The following PDE10A variants were observed in gnomAD, a reference collection of about 807,000 sequenced individuals.
PDE10A encodes cAMP and cAMP-inhibited cGMP 3',5'-cyclic phosphodiesterase 10A.
PDE10A carries 39 observed loss-of-function variants against 97.7 expected under a neutral mutation model. The ratio of observed to expected loss-of-function variants is 0.40; its 90% CI spans 0.31 to 0.52. PDE10A has a LOEUF of 0.52. Ranked by LOEUF, PDE10A falls within the 20% of genes least tolerant of loss-of-function variation. The pLI is 0.56. For missense variants in PDE10A, 731 were observed against 1,047.8 expected, an observed-to-expected ratio of 0.70 and a Z score of 4.17; for synonymous variants, 371 against 376.8, an observed-to-expected ratio of 0.98 and a Z score of 0.18.
At chr6:165,559,226 T>C (rs1784407199) in intron 1 of PDE10A, among the ~76,000 whole-genome samples, 1 of 152,148 alleles carries the variant, frequency 6.6e-6, no homozygotes, top group South Asian at 2.1e-4. Flanking sequence ...TAAATGTAGT[T>C]GCCCATAGGA....
rs771642535 is a variant in PDE10A at position 165,691,589 on chromosome 6, G to GCACACACA, written c.-614-148022_-614-148021insTGTGTGTG. Among the ~76,000 whole-genome samples the GCACACACA allele has an allele frequency of 4.6e-4, 67 of 144,572 alleles. No individual in the cohort carries two copies. In the South Asian group the frequency reaches 5.6e-3, roughly 12 times the overall value. The allele number at this position is 144,572 out of a possible 152,430, so 94.8% of individuals were successfully genotyped here. The stretch of plus-strand genomic sequence containing the variant: ...TGCCCATGCGCACGCATGCACGCGC[G>GCACACACA]CGCACACACACACACACACACACAC... On this transcript the variant is annotated intron_variant, in intron 1 of 19. Coordinates refer to the PDE10A transcript ENST00000366882.
intron 1 of PDE10A, among the ~76,000 whole-genome samples, chr6:165,883,435 A>G (rs1567527): frequency 0.74 from 112,323 of 151,466 alleles, 41,835 homozygotes; most frequent in East Asian, 0.94. Flanking sequence ...CCAGCTACTC[A>G]GGAGGCTGAG....
At chr6:165,531,390 G>A (rs1331308413) in intron 2 of PDE10A, among the ~76,000 whole-genome samples, 1 of 151,714 alleles carries the variant, frequency 6.6e-6, no homozygotes, top group African/African-American at 2.4e-5. Context: ...AAACTGAGCT[G>A]TGTGCTTTTC....
chr6:165,468,900 C>T lies in PDE10A; in HGVS notation c.1023+13415G>A, dbSNP rs2128268635. Among the ~76,000 whole-genome samples the T allele has an allele frequency of 2.0e-5, 3 of 152,270 alleles. No individual in the cohort carries two copies. The East Asian group carries it at 5.8e-4, about 29-fold the overall frequency. ...CCTTGAATTTATGGACTGGGACCAC[C>T]CATCTTTATGGGCCTAAAACAGCTC... On this transcript the variant is annotated intron_variant, in intron 3 of 21. Transcript: ENST00000539869.
chr6:165,406,739 G>C (rs1756130203), intron 13 of PDE10A, among the ~76,000 whole-genome samples: 1 of 152,202 alleles, frequency 6.6e-6, no homozygotes, highest in Non-Finnish European at 1.5e-5. Flanking sequence ...CACTGAGTAG[G>C]GAAGACCTGC....
intron 6 of PDE10A, 130 bp downstream of exon 6, chr6:165,435,107 T>C (rs576961405): frequency 8.2e-4 from 716 of 871,036 alleles, no homozygotes; most frequent in Non-Finnish European, 1.2e-3. Flanking sequence ...CATTAATATA[T>C]TGATCTGTAA....
chr6:165,502,080 A>G (rs941065455), intron 2 of PDE10A, among the ~76,000 whole-genome samples: 1 of 152,236 alleles, frequency 6.6e-6, no homozygotes, highest in African/African-American at 2.4e-5. Flanking sequence ...AGAAATGGAT[A>G]TTCATAAACA....
intron 1 of PDE10A, among the ~76,000 whole-genome samples, chr6:165,800,730 G>A (rs1278731160): frequency 2.6e-5 from 4 of 152,356 alleles, no homozygotes; most frequent in East Asian, 3.9e-4. Context: ...GGCAAGGTAC[G>A]ACTACAACGC....
chr6:165,744,656 T>C (rs79190135), intron 1 of PDE10A, among the ~76,000 whole-genome samples: 1 of 152,334 alleles, frequency 6.6e-6, no homozygotes, highest in African/African-American at 2.4e-5. Context: ...ATCTTGTTTA[T>C]GGTGAACACT....
chr6:165,803,382 A>G (rs190244011), intron 1 of PDE10A, among the ~76,000 whole-genome samples: 21 of 152,326 alleles, frequency 1.4e-4, no homozygotes, highest in Admixed American at 3.9e-4. Flanking sequence ...CTCCTAGCTT[A>G]CATATTTAGC....
At chr6:165,951,983 T>C (rs1024695778) in intron 1 of PDE10A, among the ~76,000 whole-genome samples, 1 of 152,262 alleles carries the variant, frequency 6.6e-6, no homozygotes, top group African/African-American at 2.4e-5. Flanking sequence ...GAATTTACTA[T>C]GCCAGGGGAG....
Position 165,328,909 on chromosome 6 carries a change from T to C in PDE10A, c.*4116A>G, listed in dbSNP as rs1244542158. 6.6e-6 allele frequency: 1 copy of C among 152,224 alleles called. No homozygotes were observed. Among genetic ancestry groups the C allele is most frequent in the Non-Finnish European group, 1.5e-5 (1 of 68,044 alleles). The allele number at this position is 152,224 out of a possible 1,614,324, so 9.4% of individuals were successfully genotyped here. ...GTTAAAGAAGTCAGCAAAATGTGTA[T>C]TGGCTAAATACTTATGCACATGTAA... On this transcript the variant is annotated 3_prime_UTR_variant, in exon 22 of 22. Transcript: ENST00000539869.
chr6:165,648,065 G>A (rs1340810576), intron 1 of PDE10A, among the ~76,000 whole-genome samples: 1 of 152,116 alleles, frequency 6.6e-6, no homozygotes, highest in African/African-American at 2.4e-5. Context: ...CCAGGCTGGA[G>A]TGCAGTGTGC....
intron 1 of PDE10A, among the ~76,000 whole-genome samples, chr6:165,896,247 A>G (rs554057945): frequency 6.6e-6 from 1 of 152,212 alleles, no homozygotes; most frequent in Admixed American, 6.5e-5. Flanking sequence ...TACAACACAG[A>G]TCTTGTCGTC....
intron 1 of PDE10A, among the ~76,000 whole-genome samples, chr6:165,737,081 T>C (rs1362854591): frequency 6.6e-6 from 1 of 152,158 alleles, no homozygotes; most frequent in Non-Finnish European, 1.5e-5. Flanking sequence ...ATACCACTTG[T>C]CAAGGCTGAA....
chr6:165,376,946 A>G (rs1466188906), intron 18 of PDE10A, among the ~76,000 whole-genome samples: 1 of 152,138 alleles, frequency 6.6e-6, no homozygotes, highest in East Asian at 1.9e-4. Flanking sequence ...AAATTGCCAC[A>G]TGCATCCCTA....
chr6:165,523,415 A>C (rs565461189), intron 2 of PDE10A, among the ~76,000 whole-genome samples: 1 of 152,198 alleles, frequency 6.6e-6, no homozygotes, highest in East Asian at 1.9e-4. Context: ...CTGGTACAAA[A>C]ACAGACACAT....
intron 1 of PDE10A, among the ~76,000 whole-genome samples, chr6:165,615,910 C>A (rs767672330): frequency 1.3e-5 from 2 of 152,218 alleles, no homozygotes; most frequent in East Asian, 3.9e-4. Context: ...TGAATCCACA[C>A]CCTGAAGGCC....
At chr6:165,631,150 A>G (rs1788610894) in intron 1 of PDE10A, among the ~76,000 whole-genome samples, 1 of 152,214 alleles carries the variant, frequency 6.6e-6, no homozygotes, top group Non-Finnish European at 1.5e-5. Context: ...TCAGAACAAT[A>G]TTGAAGAAAT....
Sources: gnomAD v4.1 joint callset for allele counts (sites outside exome capture counted in the v4.1 genomes callset) on GRCh38, gnomAD v4.1.1 for gene constraint, MANE v1.5 for transcripts, NCBI Gene and HGNC (gene_info 2026-07-23, HGNC 2026-07-21) for gene names.